The following CNGB3 variants were observed in gnomAD, a reference collection of about 807,000 sequenced individuals.
CNGB3 encodes cyclic nucleotide gated channel subunit beta 3, also known as cyclic nucleotide-gated channel beta-3.
CNGB3 carries 86 observed loss-of-function variants against 92.8 expected under a neutral mutation model. The ratio of observed to expected loss-of-function variants is 0.93; its 90% CI spans 0.78 to 1.11. The LOEUF is 1.11. Ranked by LOEUF, CNGB3 falls within the 50% of genes least tolerant of loss-of-function variation. The pLI, the probability that CNGB3 is intolerant of heterozygous loss-of-function variation, is 0.00. For synonymous variants in CNGB3, 333 were observed against 332.7 expected (o/e 1.00, Z -0.01); for missense variants, 1,026 against 956.8 (o/e 1.07, Z -0.95).
chr8:86,619,785 A>T (rs1160564083), intron 13 of CNGB3, among the ~76,000 whole-genome samples: 7 of 131,350 alleles, frequency 5.3e-5, no homozygotes, highest in African/African-American at 1.2e-4. Context: ...CCAGGCTGGA[A>T]TACAGAGGCA....
At chr8:86,595,860 TTG>T (rs1424398846) in intron 15 of CNGB3, among the ~76,000 whole-genome samples, 1 of 152,206 alleles carries the variant, frequency 6.6e-6, no homozygotes, top group Non-Finnish European at 1.5e-5. Flanking sequence ...TTAAGATGAT[TTG>T]TCAAAATATT....
At chr8:86,644,590 C>T (rs1823257952) in intron 9 of CNGB3, 32 bp downstream of exon 9, 1 of 1,597,016 alleles carries the variant, frequency 6.3e-7, no homozygotes, top group Non-Finnish European at 8.6e-7. Flanking sequence ...TGCTTTTTCC[C>T]CTTCCCCCAA....
chr8:86,709,153 C>T (rs1444138172), intron 3 of CNGB3, among the ~76,000 whole-genome samples: 1 of 152,078 alleles, frequency 6.6e-6, no homozygotes, highest in Non-Finnish European at 1.5e-5. Flanking sequence ...TATGACTAGG[C>T]TAGAGGGGAT....
intron 6 of CNGB3, among the ~76,000 whole-genome samples, chr8:86,656,500 T>C (rs1823507548): frequency 6.6e-6 from 1 of 152,234 alleles, no homozygotes; most frequent in South Asian, 2.1e-4. Flanking sequence ...TCAGCATGCT[T>C]ACCGGTAACA....
chr8:86,578,799 G>T lies in CNGB3; in HGVS notation c.1993C>A (p.Leu665Ile). Reference protein sequence around the residue: ...ATPPRKDLALLFPPKEETPKL... With the variant: ...ATPPRKDLALIFPPKEETPKL... ...GGTGTCTCTTCTTTCGGTGGGAAGA[G>T]GAGGGCAAGATCTTTTCTTGGAGGG... is the stretch of plus-strand genomic sequence containing the variant. Residue 665 changes from leucine (L) to isoleucine (I), a missense_variant, in exon 17 of 18, where the codon CTC becomes ATC. By Grantham distance (5) the Leu-to-Ile change is conservative. Coordinates refer to ENST00000320005, the MANE Select transcript of CNGB3 (RefSeq NM_019098.5). 6.2e-7 allele frequency: 1 copy of T among 1,614,150 alleles called. No individual in the cohort carries two copies. The highest frequency in any genetic ancestry group is 8.5e-7 in the Non-Finnish European group (1 of 1,180,022).
At chr8:86,710,748 CA>C (rs1824735545) in intron 3 of CNGB3, among the ~76,000 whole-genome samples, 1 of 152,026 alleles carries the variant, frequency 6.6e-6, no homozygotes, top group Non-Finnish European at 1.5e-5. Context: ...CAGTATAAAA[CA>C]AAACCCTAAA....
chr8:86,657,440 G>C, intron 6 of CNGB3: 1 of 512,600 alleles, frequency 2.0e-6, no homozygotes. Flanking sequence ...TGGAATGCAG[G>C]GGTTGCTGCC....
chr8:86,635,851 T>TATATAC (rs1823057686), intron 10 of CNGB3, among the ~76,000 whole-genome samples: 1 of 76,456 alleles, frequency 1.3e-5, no homozygotes, highest in African/African-American at 7.0e-5. Flanking sequence ...TATATATATA[T>TATATAC]ATATATATAT....
chr8:86,734,391 G>T (rs1825209787), intron 2 of CNGB3, among the ~76,000 whole-genome samples: 1 of 152,090 alleles, frequency 6.6e-6, no homozygotes, highest in African/African-American at 2.4e-5. Flanking sequence ...CACCCTACTT[G>T]TAGTCTGTTT....
At chr8:86,719,446 C>T (rs764867151) in intron 3 of CNGB3, among the ~76,000 whole-genome samples, 7 of 151,942 alleles carry the variant, frequency 4.6e-5, no homozygotes, top group Non-Finnish European at 7.4e-5. Flanking sequence ...AAATAAAATA[C>T]GTAGGAATAT....
intron 6 of CNGB3, among the ~76,000 whole-genome samples, chr8:86,665,168 C>T (rs1417153522): frequency 1.3e-5 from 2 of 152,070 alleles, no homozygotes; most frequent in East Asian, 1.9e-4. Context: ...TGAAAAAATG[C>T]TCCACATCAC....
intron 3 of CNGB3, among the ~76,000 whole-genome samples, chr8:86,684,726 G>T (rs1824150655): frequency 6.6e-6 from 1 of 150,478 alleles, no homozygotes; most frequent in Admixed American, 6.6e-5. Flanking sequence ...GAATTATATT[G>T]ATTAAAAGCC....
intron 2 of CNGB3, among the ~76,000 whole-genome samples, chr8:86,728,709 G>T (rs1016323202): frequency 6.6e-6 from 1 of 152,286 alleles, no homozygotes. Flanking sequence ...GGGATCTGGA[G>T]TTATCATGGG....
intron 3 of CNGB3, among the ~76,000 whole-genome samples, chr8:86,702,179 G>A (rs896932068): frequency 2.0e-5 from 3 of 152,176 alleles, no homozygotes; most frequent in Admixed American, 6.5e-5. Flanking sequence ...GAAGCTGTTT[G>A]AGGCTAGAGG....
intron 9 of CNGB3, among the ~76,000 whole-genome samples, chr8:86,644,139 A>G (rs1823247043): frequency 6.6e-6 from 1 of 151,294 alleles, no homozygotes. Flanking sequence ...CAACTCCGTG[A>G]AAGACATGCC....
intron 2 of CNGB3, among the ~76,000 whole-genome samples, chr8:86,730,804 C>A (rs539889588): frequency 1.5e-4 from 23 of 152,156 alleles, no homozygotes; most frequent in African/African-American, 5.3e-4. Context: ...TTTATTGTAT[C>A]TTTGTAGATT....
chr8:86,708,640 T>C (rs1307600569), intron 3 of CNGB3, among the ~76,000 whole-genome samples: 2 of 144,714 alleles, frequency 1.4e-5, no homozygotes, highest in Non-Finnish European at 3.0e-5. Flanking sequence ...TGATCACGGC[T>C]CACTGTAGCC....
At chr8:86,659,168 C>A (rs3779794) in intron 6 of CNGB3, 95 of 709,732 alleles carry the variant, frequency 1.3e-4, no homozygotes, top group Admixed American at 8.4e-4. Flanking sequence ...TCTCCTCCCT[C>A]AATGTGTGCA....
chr8:86,674,941 T>TTTGTTG (rs79993104), intron 3 of CNGB3, among the ~76,000 whole-genome samples: 66 of 149,340 alleles, frequency 4.4e-4, no homozygotes, highest in Middle Eastern at 3.5e-3. Flanking sequence ...TTTCTCTCTT[T>TTTGTTG]TTGTTGTTGT....
Sources: allele counts gnomAD v4.1 joint callset (sites outside exome capture counted in the v4.1 genomes callset), GRCh38; gene constraint gnomAD v4.1.1; transcripts MANE v1.5; gene names NCBI Gene and HGNC (gene_info 2026-07-23, HGNC 2026-07-21).